Variants in CNTLN observed in about 807,000 individuals in gnomAD.
CNTLN encodes centlein.
Under a neutral mutation model 180.0 loss-of-function variants are expected in CNTLN, and 212 were observed. That is an observed-to-expected ratio of 1.18 (90% CI 1.05 to 1.32). CNTLN has a LOEUF of 1.32. Ranked by LOEUF, CNTLN falls within the 40% of genes most tolerant of loss-of-function variation. CNTLN has a pLI of 0.00. For synonymous variants in CNTLN, 722 were observed against 563.1 expected, an observed-to-expected ratio of 1.28 and a Z score of -3.99; for missense variants, 2,095 against 1,610.9, an observed-to-expected ratio of 1.30 and a Z score of -5.14.
intron 8 of CNTLN, among the ~76,000 whole-genome samples, chr9:17,327,310 C>A (rs1309834031): frequency 3.4e-5 from 1 of 29,382 alleles, no homozygotes; most frequent in African/African-American, 7.5e-5. Context: ...CTCCCAGGTT[C>A]ACGGCCATCC....
At chr9:17,510,708 C>A in the CNTLN span, among the ~76,000 whole-genome samples, 1 of 152,180 alleles carries the variant, frequency 6.6e-6, no homozygotes, top group Non-Finnish European at 1.5e-5. Context: ...TTTGGACTTG[C>A]TAGGCTCCAT....
intron 13 of CNTLN, among the ~76,000 whole-genome samples, chr9:17,377,886 A>G (rs1204753836): frequency 6.6e-6 from 1 of 152,228 alleles, no homozygotes; most frequent in Non-Finnish European, 1.5e-5. Context: ...AAAAACTTAA[A>G]TAGAATATGT....
rs550310098 is a variant in CNTLN, at chr9:17,466,039, A to G, written c.3590A>G (p.Gln1197Arg). ...NKKVSIDSLK[Q>R]RLNVAVKEKS... ...AAGGTATCAATTGATTCACTAAAGC[A>G]AAGACTTAACGTTGCTGTAAAAGAA... Residue 1197 changes from glutamine to arginine, a missense_variant, in exon 22 of 26, where the codon CAA (glutamine) becomes CGA (arginine). Transcript: ENST00000380647. 105 of 1,606,244 alleles carry G rather than the reference A, an allele frequency of 6.5e-5. 2 individuals carry two copies. In the South Asian group the frequency reaches 7.4e-4, roughly 11 times the overall value.
At chr9:17,441,978 G>A (rs138101145) in intron 18 of CNTLN, among the ~76,000 whole-genome samples, 1 of 152,282 alleles carries the variant, frequency 6.6e-6, no homozygotes, top group East Asian at 1.9e-4. Flanking sequence ...TCACCAAGAA[G>A]ATAAAACAGT....
chr9:17,229,244 A>G (rs1364312616), intron 3 of CNTLN, among the ~76,000 whole-genome samples: 2 of 152,104 alleles, frequency 1.3e-5, no homozygotes, highest in Non-Finnish European at 2.9e-5. Context: ...GCTGCAAAAA[A>G]TGGAGTGGGT....
At chr9:17,459,174 A>G (rs563678605) in intron 19 of CNTLN, among the ~76,000 whole-genome samples, 6 of 151,960 alleles carry the variant, frequency 3.9e-5, no homozygotes, top group Non-Finnish European at 7.4e-5. Flanking sequence ...ATAATTTATA[A>G]TTTTTACATA....
intron 6 of CNTLN, among the ~76,000 whole-genome samples, chr9:17,292,991 G>T (rs1463241010): frequency 6.6e-6 from 1 of 152,150 alleles, no homozygotes; most frequent in African/African-American, 2.4e-5. Context: ...GTTGCTTTCT[G>T]TTTGTTTTTC....
intron 15 of CNTLN, among the ~76,000 whole-genome samples, chr9:17,409,053 C>T (rs776628914): frequency 1.3e-4 from 20 of 152,086 alleles, no homozygotes; most frequent in Non-Finnish European, 2.1e-4. Flanking sequence ...GAAGTACTAT[C>T]GAAATGATGT....
At chr9:17,443,737 T>C (rs1384586635) in intron 18 of CNTLN, among the ~76,000 whole-genome samples, 3 of 152,160 alleles carry the variant, frequency 2.0e-5, no homozygotes, top group African/African-American at 7.2e-5. Context: ...AATCTACTGA[T>C]GTCATTAGCC....
intron 2 of CNTLN, among the ~76,000 whole-genome samples, chr9:17,188,971 CTGAT>C (rs142473615): frequency 0.097 from 14,381 of 148,854 alleles, 708 homozygotes; most frequent in South Asian, 0.14. Context: ...TTTTATCTTA[CTGAT>C]TGTTTGATTT....
At chr9:17,411,615 G>A (rs543838832) in intron 16 of CNTLN, among the ~76,000 whole-genome samples, 110 of 152,268 alleles carry the variant, frequency 7.2e-4, no homozygotes, top group Non-Finnish European at 1.3e-3. Context: ...CATTGTTACG[G>A]CCTGAGCTCT....
In CNTLN at chr9:17,340,932, G is replaced by A. The variant is rs745973477; in HGVS notation, c.1750G>A (p.Glu584Lys). ...AGTAAAAGAGCAATTAAAACAGTGGGAAGAAGGCAGTGGCATGTGAGTTAC... is the reference window on the plus strand; with the variant it reads ...AGTAAAAGAGCAATTAAAACAGTGGAAAGAAGGCAGTGGCATGTGAGTTAC... ...RAVKEQLKQW[E>K]EGSGMTEIRK... Residue 584 changes from glutamate (E) to lysine (K), a missense_variant, in exon 11 of 26, where the codon GAA (glutamate) becomes AAA (lysine). Transcript: ENST00000380647. 2 of 1,609,978 alleles carry A rather than the reference G, an allele frequency of 1.2e-6. No homozygotes were observed. The highest frequency in any genetic ancestry group is 1.7e-6 in the Non-Finnish European group (2 of 1,177,992).
chr9:17,475,805 G>A (rs1400823601), intron 23 of CNTLN, among the ~76,000 whole-genome samples: 1 of 150,980 alleles, frequency 6.6e-6, no homozygotes, highest in Non-Finnish European at 1.5e-5. Context: ...CCCGGGAGGT[G>A]GAGCTTGCAG....
intron 12 of CNTLN, among the ~76,000 whole-genome samples, chr9:17,363,902 G>C (rs1323862284): frequency 6.6e-6 from 1 of 151,932 alleles, no homozygotes. Context: ...TAGGATCTAT[G>C]AGTAGTAAAC....
chr9:17,154,329 G>A (rs1223623023), intron 2 of CNTLN, among the ~76,000 whole-genome samples: 2 of 152,160 alleles, frequency 1.3e-5, no homozygotes, highest in Non-Finnish European at 2.9e-5. Context: ...GTAACCTTTG[G>A]ATGGGGTCTT....
At chr9:17,320,824 G>C (rs7028930) in intron 8 of CNTLN, among the ~76,000 whole-genome samples, 90,463 of 151,946 alleles carry the variant, frequency 0.6, 27,205 homozygotes, top group East Asian at 0.73. Context: ...TATTTATTCT[G>C]ATCCCTGATT....
At chr9:17,277,305 T>A (rs1321318844) in intron 6 of CNTLN, among the ~76,000 whole-genome samples, 1 of 151,976 alleles carries the variant, frequency 6.6e-6, no homozygotes, top group African/African-American at 2.4e-5. Context: ...GGTTCTACAA[T>A]TGAGATGAGA....
At chr9:17,425,067 G>GA (rs1828987709) in intron 18 of CNTLN, among the ~76,000 whole-genome samples, 2 of 152,114 alleles carry the variant, frequency 1.3e-5, no homozygotes. Flanking sequence ...TATATTTAGC[G>GA]AAAACAGAGT....
intron 1 of CNTLN, among the ~76,000 whole-genome samples, chr9:17,136,214 T>G (rs747850893): frequency 6.6e-6 from 1 of 152,164 alleles, no homozygotes; most frequent in East Asian, 1.9e-4. Context: ...TTAGATAGGG[T>G]TGGGAGATTG....
Sources: gnomAD v4.1 joint callset for allele counts (sites outside exome capture counted in the v4.1 genomes callset) on GRCh38, gnomAD v4.1.1 for gene constraint, MANE v1.5 for transcripts, NCBI Gene and HGNC (gene_info 2026-07-23, HGNC 2026-07-21) for gene names.